The following PTDSS1 variants were observed in gnomAD, a reference collection of about 807,000 sequenced individuals.
The protein encoded by PTDSS1 is PSS-1.
In PTDSS1, 45 loss-of-function variants were observed where a neutral mutation model predicts 70.5. That is an observed-to-expected ratio of 0.64 (90% confidence interval 0.50 to 0.82). PTDSS1 has a LOEUF of 0.82. Among genes scored for constraint, PTDSS1 ranks in the 40% least tolerant of loss-of-function variants. The pLI is 0.00. For missense variants in PTDSS1, 417 were observed against 586.1 expected, an observed-to-expected ratio of 0.71 and a Z score of 2.98; for synonymous variants, 188 against 203.8, an observed-to-expected ratio of 0.92 and a Z score of 0.66.
intron 2 of PTDSS1, among the ~76,000 whole-genome samples, chr8:96,277,382 A>C (rs1810663686): frequency 6.6e-6 from 1 of 152,170 alleles, no homozygotes; most frequent in South Asian, 2.1e-4. Flanking sequence ...CCCCTATTAG[A>C]GCCCTCTCTC....
chr8:96,288,428 G>A (rs772866882), intron 4 of PTDSS1, among the ~76,000 whole-genome samples: 54 of 151,898 alleles, frequency 3.6e-4, no homozygotes, highest in African/African-American at 1.2e-3. Flanking sequence ...AGGTTCAAGC[G>A]ATTATCCTGC....
intron 2 of PTDSS1, among the ~76,000 whole-genome samples, chr8:96,279,744 G>A (rs552700538): frequency 2.6e-5 from 4 of 152,092 alleles, no homozygotes; most frequent in South Asian, 2.1e-4. Flanking sequence ...GCATGAACCC[G>A]GGAGGCGGAG....
chr8:96,317,632 G>T (rs1811314033), intron 9 of PTDSS1, among the ~76,000 whole-genome samples: 1 of 152,208 alleles, frequency 6.6e-6, no homozygotes, highest in South Asian at 2.1e-4. Flanking sequence ...CTACTCGGGA[G>T]GCTGAGGTAG....
At chr8:96,265,340 G>C (rs997934666) in intron 1 of PTDSS1, among the ~76,000 whole-genome samples, 1 of 152,190 alleles carries the variant, frequency 6.6e-6, no homozygotes, top group Non-Finnish European at 1.5e-5. Flanking sequence ...CAGAGATCCA[G>C]CAAGAATTTA....
chr8:96,317,422 A>G (rs1811310888), intron 9 of PTDSS1, among the ~76,000 whole-genome samples: 1 of 25,692 alleles, frequency 3.9e-5, no homozygotes, highest in Non-Finnish European at 1.3e-4. Context: ...TTGCTAACTC[A>G]AAAGCACGGT....
intron 4 of PTDSS1, among the ~76,000 whole-genome samples, chr8:96,294,843 G>A (rs191282528): frequency 5.9e-4 from 90 of 152,262 alleles, no homozygotes; most frequent in African/African-American, 2.1e-3. Context: ...GATATGTTGA[G>A]CCTTTGTAAA....
intron 3 of PTDSS1, among the ~76,000 whole-genome samples, chr8:96,286,468 C>T (rs1810823893): frequency 6.6e-6 from 1 of 152,218 alleles, no homozygotes; most frequent in Non-Finnish European, 1.5e-5. Context: ...TTGAACCTTA[C>T]ACTGGTAGTA....
At chr8:96,297,703 T>G (rs1810994879) in intron 5 of PTDSS1, among the ~76,000 whole-genome samples, 1 of 152,170 alleles carries the variant, frequency 6.6e-6, no homozygotes, top group African/African-American at 2.4e-5. Flanking sequence ...CTGGAAGGCT[T>G]TCCCTGCCCC....
At chr8:96,271,629 C>T (rs1810567313) in intron 1 of PTDSS1, among the ~76,000 whole-genome samples, 1 of 152,194 alleles carries the variant, frequency 6.6e-6, no homozygotes, top group South Asian at 2.1e-4. Flanking sequence ...CCAAATTGCC[C>T]TCCATAAAGG....
rs1414724383 is a variant in PTDSS1, at chr8:96,284,162, A to G, written c.316+9A>G. On this transcript the variant is annotated intron_variant, in intron 3 of 12. Transcript: ENST00000517309. ...ATGGCGAATGGTTTTTGGTGAGTTT[A>G]TATTAGCAATGTAAAAGGATGTTCT... The G allele has an allele frequency of 1.9e-6, 3 of 1,597,130 alleles. No individual in the cohort carries two copies. The highest frequency in any genetic ancestry group is 1.3e-5 in the African/African-American group (1 of 74,412).
intron 2 of PTDSS1, among the ~76,000 whole-genome samples, chr8:96,275,841 T>C (rs1810633273): frequency 6.6e-6 from 1 of 152,188 alleles, no homozygotes; most frequent in African/African-American, 2.4e-5. Flanking sequence ...TCTGCTGCCT[T>C]CTTCTTTGTC....
At chr8:96,305,064 G>A (rs1281095294) in intron 7 of PTDSS1, among the ~76,000 whole-genome samples, 1 of 152,202 alleles carries the variant, frequency 6.6e-6, no homozygotes. Flanking sequence ...GGAGAGGTCA[G>A]TATCTTTAAA....
intron 8 of PTDSS1, 122 bp downstream of exon 8, chr8:96,306,678 T>A: frequency 2.6e-6 from 2 of 765,552 alleles, no homozygotes; most frequent in Non-Finnish European, 2.2e-6. Context: ...CGTAAAGAAT[T>A]GTACATCCAG....
At chr8:96,300,573 A>G (rs1450964640) in intron 6 of PTDSS1, among the ~76,000 whole-genome samples, 1 of 152,234 alleles carries the variant, frequency 6.6e-6, no homozygotes, top group African/African-American at 2.4e-5. Context: ...CTCATTTTGC[A>G]GCACGAATCA....
At chr8:96,314,839 G>A (rs1009900587) in intron 9 of PTDSS1, among the ~76,000 whole-genome samples, 2 of 152,050 alleles carry the variant, frequency 1.3e-5, no homozygotes, top group Non-Finnish European at 2.9e-5. Flanking sequence ...CTCGTGATCC[G>A]CCCACCTCAG....
intron 5 of PTDSS1, among the ~76,000 whole-genome samples, chr8:96,299,019 A>AAC (rs1563573297): frequency 2.0e-4 from 31 of 151,610 alleles, no homozygotes; most frequent in African/African-American, 7.3e-4. Context: ...CAGCCTGGGC[A>AAC]ACAGAGCAAG....
At chr8:96,320,147 G>C (rs1586208165) in intron 9 of PTDSS1, 99 bp from the exon 10 acceptor site, 3 of 1,043,122 alleles carry the variant, frequency 2.9e-6, no homozygotes, top group Non-Finnish European at 4.4e-6. Flanking sequence ...GAAATCGCAT[G>C]ATGAGTTGAA....
intron 10 of PTDSS1, among the ~76,000 whole-genome samples, chr8:96,322,727 C>T (rs1811389100): frequency 6.6e-6 from 1 of 152,204 alleles, no homozygotes; most frequent in Admixed American, 6.5e-5. Flanking sequence ...TCCCAAAAGT[C>T]TTCACTTGGC....
intron 9 of PTDSS1, among the ~76,000 whole-genome samples, chr8:96,310,858 C>T (rs1388401531): frequency 6.6e-6 from 1 of 151,784 alleles, no homozygotes; most frequent in African/African-American, 2.4e-5. Flanking sequence ...CTCCGCCTCC[C>T]AGGTTCAAGC....
Sources: allele counts gnomAD v4.1 joint callset (sites outside exome capture counted in the v4.1 genomes callset), GRCh38; gene constraint gnomAD v4.1.1; transcripts MANE v1.5; gene names NCBI Gene and HGNC (gene_info 2026-07-23, HGNC 2026-07-21).